The following EMC1 variants were observed in gnomAD, a reference collection of about 807,000 sequenced individuals.
The protein encoded by EMC1 is KIAA0090.
Under a neutral mutation model 128.8 loss-of-function variants are expected in EMC1, and 103 were observed. That is an observed-to-expected ratio of 0.80 (90% CI 0.68 to 0.94). EMC1 has a LOEUF of 0.94. Among genes scored for constraint, EMC1 ranks in the 40% least tolerant of loss-of-function variants. EMC1 has a pLI of 0.00. For missense variants in EMC1, 1,083 were observed against 1,250.6 expected, an observed-to-expected ratio of 0.87 and a Z score of 2.02; for synonymous variants, 442 against 490.4, an observed-to-expected ratio of 0.90 and a Z score of 1.30.
Position 19,233,108 on chromosome 1 carries a change from C to T in EMC1, c.1460G>A (p.Arg487His), listed in dbSNP as rs1558101967. The T allele has an allele frequency of 6.2e-7, 1 of 1,614,092 alleles. No individual in the cohort carries two copies. Among genetic ancestry groups the T allele is most frequent in the Non-Finnish European group, 8.5e-7 (1 of 1,179,990 alleles). The change falls in exon 14 of 23, where the codon CGC (arginine) becomes CAC (histidine). Residue 487 changes from arginine (R) to histidine (H), a missense_variant. Coordinates refer to ENST00000477853, the MANE Select transcript of EMC1 (RefSeq NM_015047.3). ...ADGLLGMFLK[R>H]LSSQLILLQA... ...CAGCAGGATAAGCTGAGACGAGAGG[C>T]GTTTCAGGAACATCCCCAGCAAGCC... is the stretch of plus-strand genomic sequence containing the variant.
intron 6 of EMC1, 86 bp from the exon 7 acceptor site, chr1:19,240,532 C>T (rs1276630270): frequency 8.9e-6 from 13 of 1,466,854 alleles, no homozygotes; most frequent in Non-Finnish European, 1.1e-5. Context: ...CTGCCAGCAT[C>T]CCACTGGGGG....
intron 1 of EMC1, among the ~76,000 whole-genome samples, chr1:19,248,893 A>G (rs546874563): frequency 4.6e-5 from 7 of 152,342 alleles, no homozygotes; most frequent in Non-Finnish European, 8.8e-5. Context: ...GAATAAAGAT[A>G]TAAGAAAAAT....
At chr1:19,228,454 A>G (rs987793224) in intron 17 of EMC1, among the ~76,000 whole-genome samples, 4 of 152,174 alleles carry the variant, frequency 2.6e-5, no homozygotes, top group Admixed American at 2.0e-4. Context: ...ACATTATTAT[A>G]CATCCATCCT....
At position 19,223,826 on chromosome 1, in the gene EMC1, G is replaced by C. The variant is rs555238356; in HGVS notation, c.2203-257C>G. ...GAGTAGCTATTATGGTCCACATTTTGCAGAAAAGTCCCAAAGTAGTTAAGC... is the reference window on the plus strand; with the variant it reads ...GAGTAGCTATTATGGTCCACATTTTCCAGAAAAGTCCCAAAGTAGTTAAGC... On this transcript the variant is annotated intron_variant, in intron 18 of 22. Coordinates refer to ENST00000477853, the MANE Select transcript of EMC1 (RefSeq NM_015047.3). Among the ~76,000 whole-genome samples, 6 of 152,222 alleles carry C rather than the reference G, an allele frequency of 3.9e-5. No individual in the cohort carries two copies. In the South Asian group the frequency reaches 1.2e-3, roughly 32 times the overall value.
intron 15 of EMC1, among the ~76,000 whole-genome samples, chr1:19,232,375 A>T (rs1422736166): frequency 6.6e-6 from 1 of 152,206 alleles, no homozygotes; most frequent in Non-Finnish European, 1.5e-5. Context: ...AGCAACCAAC[A>T]GCCAATGTTT....
At chr1:19,219,814 G>C (rs1275614327) in intron 21 of EMC1, 116 bp from the exon 22 acceptor site, 2 of 1,207,480 alleles carry the variant, frequency 1.7e-6, no homozygotes, top group Non-Finnish European at 2.4e-6. Context: ...AAATCTCCTA[G>C]GAGGTCTGCT....
rs144812986 is a variant in EMC1 at position 19,236,916 on chromosome 1, C to A, written c.1309+226G>T. ...CCGAAAGGTGGAGATTGCAGTGGGC[C>A]GAGATCATGCCACTGCACTCCAGCC... On this transcript the variant is annotated intron_variant, in intron 12 of 22. Coordinates refer to ENST00000477853, the MANE Select transcript of EMC1 (RefSeq NM_015047.3). 6.0e-3 allele frequency among the ~76,000 whole-genome samples: 853 copies of A among 141,010 alleles called. 4 individuals are homozygous for A. The highest frequency in any genetic ancestry group is 9.0e-3 in the Non-Finnish European group (596 of 66,386). 92.5% of individuals were successfully genotyped at this position (141,010 alleles called of 152,430 possible).
intron 2 of EMC1, 68 bp from the exon 3 acceptor site, chr1:19,244,083 T>A: frequency 6.8e-7 from 1 of 1,470,804 alleles, no homozygotes; most frequent in Non-Finnish European, 9.5e-7. Context: ...AAGAAATAAA[T>A]GAAGAGCTCT....
At chr1:19,233,911 A>C (rs77747660) in intron 13 of EMC1, among the ~76,000 whole-genome samples, 1 of 152,220 alleles carries the variant, frequency 6.6e-6, no homozygotes, top group Admixed American at 6.5e-5. Flanking sequence ...CATACGATGT[A>C]CATAAAGGAT....
intron 12 of EMC1, among the ~76,000 whole-genome samples, chr1:19,235,467 C>A (rs1053756484): frequency 3.3e-5 from 5 of 152,192 alleles, no homozygotes; most frequent in African/African-American, 1.2e-4. Flanking sequence ...CTTTGGGAGG[C>A]CAAGGCGGGC....
At chr1:19,223,941 A>AT (rs1558093207) in intron 18 of EMC1, among the ~76,000 whole-genome samples, 1 of 152,028 alleles carries the variant, frequency 6.6e-6, no homozygotes, top group Admixed American at 6.6e-5. Flanking sequence ...CTGCAGTGAT[A>AT]TTTTTCTTCT....
chr1:19,246,893 C>T (rs2093634246), intron 1 of EMC1, among the ~76,000 whole-genome samples: 1 of 152,188 alleles, frequency 6.6e-6, no homozygotes, highest in East Asian at 1.9e-4. Context: ...CCCAGTGTTA[C>T]AGTATTTGAC....
chr1:19,243,956 C>T lies in EMC1; in HGVS notation c.280G>A (p.Gly94Arg), dbSNP rs148404729. Residue 94 changes from glycine (G) to arginine (R), a missense_variant, in exon 3 of 23, where the codon GGA becomes AGA. Physicochemically the swap from Gly to Arg is moderately radical, Grantham distance 125. Coordinates refer to ENST00000477853, the MANE Select transcript of EMC1 (RefSeq NM_015047.3). ...ACGGGAGGACTCTGCTTACCCTGTCCGTGCAGCAGCATGGCATCCACAGCC... is the reference window on the plus strand; with the variant it reads ...ACGGGAGGACTCTGCTTACCCTGTCTGTGCAGCAGCATGGCATCCACAGCC... ...EGAVDAMLLH[G>R]QDVITVSNGG... 8.5e-5 allele frequency: 137 copies of T among 1,613,976 alleles called. 1 individual carries two copies. Among genetic ancestry groups the T allele is most frequent in the Non-Finnish European group, 1.1e-4 (132 of 1,180,002 alleles).
chr1:19,242,742 G>T (rs1460290909), intron 4 of EMC1, among the ~76,000 whole-genome samples: 1 of 152,140 alleles, frequency 6.6e-6, no homozygotes, highest in Non-Finnish European at 1.5e-5. Flanking sequence ...ACAGCAACTG[G>T]ACCTACCCTC....
intron 19 of EMC1, 46 bp from the exon 20 acceptor site, chr1:19,222,880 A>C (rs372855842): frequency 6.8e-7 from 1 of 1,478,756 alleles, no homozygotes; most frequent in African/African-American, 1.4e-5. Context: ...AGCTGCTTCA[A>C]CTGGAAAGGG....
At chr1:19,234,874 T>C in intron 13 of EMC1, among the ~76,000 whole-genome samples, 1 of 152,178 alleles carries the variant, frequency 6.6e-6, no homozygotes, top group South Asian at 2.1e-4. Flanking sequence ...AAGACTTTTT[T>C]CCCTCAGCTT....
intron 1 of EMC1, among the ~76,000 whole-genome samples, chr1:19,250,740 T>G (rs1431535154): frequency 6.6e-6 from 1 of 152,210 alleles, no homozygotes; most frequent in Non-Finnish European, 1.5e-5. Flanking sequence ...GGACTGTTAG[T>G]AAACCCATTC....
chr1:19,231,194 G>A (rs1251963908), intron 16 of EMC1, 67 bp downstream of exon 16: 1 of 1,511,066 alleles, frequency 6.6e-7, no homozygotes, highest in Admixed American at 2.2e-5. Context: ...CCGGGCCGCT[G>A]TGTTTGACCA....
In EMC1 at chr1:19,243,988, G is replaced by T; in HGVS notation, c.248C>A (p.Ala83Glu). 6.2e-7 allele frequency: 1 copy of T among 1,614,092 alleles called. No homozygotes were observed. Among genetic ancestry groups the T allele is most frequent in the South Asian group, 1.1e-5 (1 of 91,080 alleles). Residue 83 changes from alanine (A) to glutamate (E), a missense_variant, in exon 3 of 23, where the codon GCA becomes GAA. This residue lies in a region of EMC1 where 544 missense variants were observed against 572.4 expected (regional missense o/e 0.95). Coordinates refer to ENST00000477853, the MANE Select transcript of EMC1 (RefSeq NM_015047.3). Reference sequence around the variant, plus strand: ...CAGCATGGCATCCACAGCCCCTTCTGCCGTGCCCTTGTCAACATGGCGCCA... The same window carrying T: ...CAGCATGGCATCCACAGCCCCTTCTTCCGTGCCCTTGTCAACATGGCGCCA... Reference protein sequence around the residue: ...ILWRHVDKGTAEGAVDAMLLH... With the variant: ...ILWRHVDKGTEEGAVDAMLLH...
Sources: gnomAD v4.1 joint callset for allele counts (sites outside exome capture counted in the v4.1 genomes callset) on GRCh38, gnomAD v4.1.1 for gene constraint, gnomAD v4.1.1 regional missense constraint, MANE v1.5 for transcripts, NCBI Gene and HGNC (gene_info 2026-07-23, HGNC 2026-07-21) for gene names.